Variants in IP6K2 observed in about 807,000 individuals in gnomAD.
The protein encoded by IP6K2 is ATP:1D-myo-inositol-hexakisphosphate phosphotransferase.
In IP6K2, 9 loss-of-function variants were observed where a neutral mutation model predicts 43.3. The ratio of observed to expected loss-of-function variants is 0.21; its 90% CI spans 0.13 to 0.36. The LOEUF is 0.36. Ranked by LOEUF, IP6K2 falls within the 10% of genes least tolerant of loss-of-function variation. The pLI is 1.00. For synonymous variants in IP6K2, 209 were observed against 202.4 expected, an observed-to-expected ratio of 1.03 and a Z score of -0.28; for missense variants, 332 against 538.4, an observed-to-expected ratio of 0.62 and a Z score of 3.79.
chr3:48,697,337 TTTTG>T (rs890787315), intron 1 of IP6K2, among the ~76,000 whole-genome samples: 1 of 151,102 alleles, frequency 6.6e-6, no homozygotes, highest in Non-Finnish European at 1.5e-5. Context: ...TTTCATTTTG[TTTTG>T]TTTTTTTTTT....
chr3:48,699,397 C>G (rs2078774893), intron 1 of IP6K2: 1 of 146,508 alleles, frequency 6.8e-6, no homozygotes, highest in African/African-American at 2.6e-5. Context: ...AAAACTCCAT[C>G]TCAAAAAAAA....
chr3:48,695,452 T>A lies in IP6K2; in HGVS notation c.-130-31A>T. Reference sequence around the variant, plus strand: ...AGCAAACAAAATGATGACATGGGGGTTCGAAGTAGCGTGGGAAGTGCCTTA... The same window carrying A: ...AGCAAACAAAATGATGACATGGGGGATCGAAGTAGCGTGGGAAGTGCCTTA... On this transcript the variant is annotated intron_variant, in intron 1 of 5. Coordinates refer to ENST00000328631, the MANE Select transcript of IP6K2 (RefSeq NM_016291.4). The surrounding 1 kb of genome is among the most constrained non-coding windows in gnomAD (Gnocchi z 4.6). 7.1e-7 allele frequency: 1 copy of A among 1,404,710 alleles called. No individual in the cohort carries two copies. Among genetic ancestry groups the A allele is most frequent in the East Asian group, 2.5e-5 (1 of 39,546 alleles). 87.0% of individuals were successfully genotyped at this position (1,404,710 alleles called of 1,614,324 possible).
intron 1 of IP6K2, among the ~76,000 whole-genome samples, chr3:48,714,847 CAAAAAAA>C (rs61218247): frequency 1.0e-5 from 1 of 100,060 alleles, no homozygotes; most frequent in Non-Finnish European, 1.9e-5. Flanking sequence ...GACTCCGTCT[CAAAAAAA>C]AAAAAAAAAA....
intron 1 of IP6K2, among the ~76,000 whole-genome samples, chr3:48,700,383 T>C (rs187622616): frequency 6.6e-6 from 1 of 152,298 alleles, no homozygotes; most frequent in Admixed American, 6.5e-5. Flanking sequence ...TCTAAAGCTG[T>C]TTCCCTGGAA....
intron 2 of IP6K2, chr3:48,694,791 T>G (rs1575615501): frequency 1.3e-6 from 2 of 1,535,554 alleles, no homozygotes; most frequent in East Asian, 2.4e-5. Flanking sequence ...GTCCCCCCAG[T>G]GGGGGACTAT....
At chr3:48,714,847 CAA>C (rs61218247) in intron 1 of IP6K2, among the ~76,000 whole-genome samples, 3 of 100,058 alleles carry the variant, frequency 3.0e-5, no homozygotes. Context: ...GACTCCGTCT[CAA>C]AAAAAAAAAA....
chr3:48,698,341 C>T (rs1160841754), intron 1 of IP6K2, among the ~76,000 whole-genome samples: 1 of 152,174 alleles, frequency 6.6e-6, no homozygotes, highest in Non-Finnish European at 1.5e-5. Flanking sequence ...TCCTCATGGG[C>T]CAGGCTTTAG....
chr3:48,688,327 C>A lies in IP6K2; in HGVS notation c.1227G>T (p.Gly409=). The change falls in exon 6 of 6, where the codon GGG becomes GGT. Residue 409 remains glycine, a synonymous_variant. Coordinates refer to ENST00000328631, the MANE Select transcript of IP6K2 (RefSeq NM_016291.4). This position sits in a 1 kb window ranked among gnomAD's most constrained non-coding sequence, Gnocchi z 5.1. Reference sequence around the variant, plus strand: ...TGACAATGTCTATCAGGCTCTGGAGCCCGAAGATATAGCCAGCATCCTGGC... The same window carrying A: ...TGACAATGTCTATCAGGCTCTGGAGACCGAAGATATAGCCAGCATCCTGGC... The part of the protein sequence containing the change: ...HEGQDAGYIF[G]LQSLIDIVTE... 1 of 1,614,232 alleles carries A rather than the reference C, an allele frequency of 6.2e-7. No homozygotes were observed. Among genetic ancestry groups the A allele is most frequent in the Non-Finnish European group, 8.5e-7 (1 of 1,180,040 alleles).
intron 1 of IP6K2, among the ~76,000 whole-genome samples, chr3:48,701,506 A>AG (rs2079031252): frequency 7.9e-6 from 1 of 126,864 alleles, no homozygotes; most frequent in African/African-American, 3.0e-5. Context: ...GGTGGAGGCT[A>AG]CAGTGAGCCG....
chr3:48,713,986 A>G (rs2080865977), intron 1 of IP6K2, among the ~76,000 whole-genome samples: 1 of 151,840 alleles, frequency 6.6e-6, no homozygotes, highest in African/African-American at 2.4e-5. Flanking sequence ...GTGCGGTGGC[A>G]CATGCCTGTA....
Position 48,695,500 on chromosome 3 carries a change from A to C in IP6K2, c.-130-79T>G. 1 of 1,303,798 alleles carries C rather than the reference A, an allele frequency of 7.7e-7. No individual in the cohort carries two copies. Among genetic ancestry groups the C allele is most frequent in the East Asian group, 2.8e-5 (1 of 36,360 alleles). 80.8% of individuals were successfully genotyped at this position (1,303,798 alleles called of 1,614,324 possible). On this transcript the variant is annotated intron_variant, in intron 1 of 5. Transcript: ENST00000328631. This position sits in a 1 kb window ranked among gnomAD's most constrained non-coding sequence, Gnocchi z 4.6. ...TTAGAGCTGCTCACCCTGCTCCTTC[A>C]GCAGAAAGACAAAGACAAACAGTCT...
At chr3:48,707,940 T>C (rs2080007763) in intron 1 of IP6K2, among the ~76,000 whole-genome samples, 1 of 152,212 alleles carries the variant, frequency 6.6e-6, no homozygotes, top group South Asian at 2.1e-4. Context: ...CCTATCTCTC[T>C]GCCTCGTCTG....
At chr3:48,711,526 C>T (rs949025012) in intron 1 of IP6K2, 2 of 152,160 alleles carry the variant, frequency 1.3e-5, no homozygotes, top group South Asian at 2.1e-4. Flanking sequence ...AAAACCCAAG[C>T]CCTTCAGTAG....
intron 1 of IP6K2, among the ~76,000 whole-genome samples, chr3:48,700,122 A>G (rs561647631): frequency 9.8e-5 from 15 of 152,350 alleles, no homozygotes; most frequent in African/African-American, 1.9e-4. Context: ...CAATATGAAC[A>G]TAAGTATGGT....
At chr3:48,697,431 T>C (rs1247081420) in intron 1 of IP6K2, among the ~76,000 whole-genome samples, 1 of 150,610 alleles carries the variant, frequency 6.6e-6, no homozygotes, top group Non-Finnish European at 1.5e-5. Flanking sequence ...TCTCATGCGA[T>C]TCTCCTGCCA....
chr3:48,707,235 T>C (rs1415254322), intron 1 of IP6K2, among the ~76,000 whole-genome samples: 1 of 152,294 alleles, frequency 6.6e-6, no homozygotes, highest in Admixed American at 6.5e-5. Context: ...GGATTCAAGA[T>C]TGAAACAGGA....
intron 2 of IP6K2, chr3:48,693,494 A>G: frequency 7.8e-7 from 1 of 1,285,828 alleles, no homozygotes. Context: ...TAATTCTTCT[A>G]ATCCTAAAAG....
At chr3:48,697,304 C>A (rs2078478405) in intron 1 of IP6K2, among the ~76,000 whole-genome samples, 1 of 151,548 alleles carries the variant, frequency 6.6e-6, no homozygotes, top group Non-Finnish European at 1.5e-5. Context: ...CAGGCGTGAG[C>A]CACCGCGCCC....
At chr3:48,715,100 A>G (rs942815607) in intron 1 of IP6K2, among the ~76,000 whole-genome samples, 2 of 152,208 alleles carry the variant, frequency 1.3e-5, no homozygotes, top group East Asian at 1.9e-4. Context: ...CTTTTATTAT[A>G]TGGTACACAA....
Sources: gnomAD v4.1 joint callset for allele counts (sites outside exome capture counted in the v4.1 genomes callset) on GRCh38, gnomAD v4.1.1 for gene constraint, Gnocchi (gnomAD v3.1) non-coding constraint, MANE v1.5 for transcripts, NCBI Gene and HGNC (gene_info 2026-07-23, HGNC 2026-07-21) for gene names.